Variants in LSAMP observed in about 807,000 individuals in gnomAD.
The protein encoded by LSAMP is limbic system-associated membrane protein.
A neutral mutation model predicts 38.6 loss-of-function variants in LSAMP; 7 were observed. The ratio of observed to expected loss-of-function variants is 0.18; its 90% CI spans 0.10 to 0.34. The LOEUF (loss-of-function observed/expected upper bound fraction) is 0.34. Among genes scored for constraint, LSAMP ranks in the 10% least tolerant of loss-of-function variants. LSAMP has a pLI of 1.00. For missense variants in LSAMP, 313 were observed against 420.0 expected (o/e 0.75, Z 2.23); for synonymous variants, 154 against 166.8 (o/e 0.92, Z 0.59).
intron 1 of LSAMP, among the ~76,000 whole-genome samples, chr3:116,265,404 T>G (rs1489061088): frequency 2.6e-5 from 4 of 152,204 alleles, no homozygotes; most frequent in Non-Finnish European, 4.4e-5. Context: ...CATCTATCTT[T>G]TTGACAATGT....
intron 1 of LSAMP, among the ~76,000 whole-genome samples, chr3:116,147,687 TC>T (rs1046576470): frequency 6.6e-6 from 1 of 151,936 alleles, no homozygotes; most frequent in African/African-American, 2.4e-5. Flanking sequence ...AGTCCTCGGG[TC>T]CATTATCCTT....
intron 3 of LSAMP, among the ~76,000 whole-genome samples, chr3:115,929,854 CTTT>C (rs1371468575): frequency 6.6e-6 from 1 of 152,014 alleles, no homozygotes; most frequent in Admixed American, 6.6e-5. Context: ...GAGTTCTACT[CTTT>C]GTTTCAATCT....
intron 2 of LSAMP, among the ~76,000 whole-genome samples, chr3:116,028,990 C>T (rs1940858243): frequency 6.6e-6 from 1 of 151,990 alleles, no homozygotes; most frequent in Non-Finnish European, 1.5e-5. Context: ...AGAATATATA[C>T]CATGAGTGAA....
At chr3:116,255,902 T>C (rs1364341722) in intron 1 of LSAMP, among the ~76,000 whole-genome samples, 1 of 152,174 alleles carries the variant, frequency 6.6e-6, no homozygotes, top group African/African-American at 2.4e-5. Flanking sequence ...GGTTTGTTTA[T>C]TTATTTATTT....
At chr3:116,260,132 C>T (rs1204306502) in intron 1 of LSAMP, among the ~76,000 whole-genome samples, 2 of 152,062 alleles carry the variant, frequency 1.3e-5, no homozygotes, top group East Asian at 3.9e-4. Context: ...ATGTGATTGT[C>T]TTTTTCTAAG....
chr3:116,003,484 T>A (rs1940059679), intron 3 of LSAMP, among the ~76,000 whole-genome samples: 4 of 152,208 alleles, frequency 2.6e-5, no homozygotes, highest in South Asian at 4.1e-4. Context: ...TATTCTCTAA[T>A]CTTTTTATTC....
intron 1 of LSAMP, among the ~76,000 whole-genome samples, chr3:116,331,680 T>A (rs2047855790): frequency 6.6e-6 from 1 of 152,066 alleles, no homozygotes; most frequent in Admixed American, 6.6e-5. Flanking sequence ...TTCTGCAAGG[T>A]AAAATGAAAG....
chr3:116,312,278 G>A (rs1335097219), intron 1 of LSAMP, among the ~76,000 whole-genome samples: 2 of 152,162 alleles, frequency 1.3e-5, no homozygotes, highest in Non-Finnish European at 2.9e-5. Context: ...GATGGCAGGT[G>A]AATCGGACAA....
intron 1 of LSAMP, among the ~76,000 whole-genome samples, chr3:116,176,969 G>A (rs1475500114): frequency 6.6e-6 from 1 of 151,932 alleles, no homozygotes; most frequent in African/African-American, 2.4e-5. Context: ...GTTAAGGTTT[G>A]AAAATTGTGG....
chr3:116,359,567 CTTTTTA>C (rs988512336), intron 1 of LSAMP, among the ~76,000 whole-genome samples: 2 of 152,116 alleles, frequency 1.3e-5, no homozygotes, highest in African/African-American at 2.4e-5. Context: ...TTGGAGTAAA[CTTTTTA>C]TTTTTATTTT....
chr3:116,433,323 T>A (rs1393163751), intron 1 of LSAMP, among the ~76,000 whole-genome samples: 2 of 152,260 alleles, frequency 1.3e-5, no homozygotes, highest in Middle Eastern at 3.4e-3. Flanking sequence ...TTTAGACAAA[T>A]TATAGAGATT....
At chr3:116,007,737 T>C (rs1025880603) in intron 3 of LSAMP, among the ~76,000 whole-genome samples, 37 of 152,184 alleles carry the variant, frequency 2.4e-4, no homozygotes, top group Non-Finnish European at 4.4e-4. Context: ...GAATCTCAAA[T>C]GCTCCTATAT....
chr3:115,983,630 A>G (rs775347052), intron 3 of LSAMP, among the ~76,000 whole-genome samples: 3 of 152,226 alleles, frequency 2.0e-5, no homozygotes, highest in Non-Finnish European at 4.4e-5. Context: ...CATTGAGCCA[A>G]CAACTATTTA....
At chr3:115,896,339 A>G (rs1419462212) in intron 3 of LSAMP, among the ~76,000 whole-genome samples, 2 of 152,144 alleles carry the variant, frequency 1.3e-5, no homozygotes, top group Non-Finnish European at 2.9e-5. Context: ...ATAGTTTGCC[A>G]CATACATATT....
At chr3:116,122,011 A>G (rs1459128896) in intron 1 of LSAMP, among the ~76,000 whole-genome samples, 1 of 151,106 alleles carries the variant, frequency 6.6e-6, no homozygotes, top group African/African-American at 2.5e-5. Context: ...CCTGTTCTAG[A>G]GTCTGTGCTG....
At chr3:116,263,953 A>G (rs1450849348) in intron 1 of LSAMP, among the ~76,000 whole-genome samples, 3 of 152,310 alleles carry the variant, frequency 2.0e-5, no homozygotes, top group African/African-American at 4.8e-5. Flanking sequence ...CTGAGAACTG[A>G]GAGTGGAGAA....
chr3:116,438,563 T>C (rs1304925784), intron 1 of LSAMP, among the ~76,000 whole-genome samples: 1 of 152,242 alleles, frequency 6.6e-6, no homozygotes, highest in Non-Finnish European at 1.5e-5. Context: ...AGATGAATTA[T>C]ACAATTATTT....
At chr3:115,979,216 G>T (rs1184646587) in intron 3 of LSAMP, among the ~76,000 whole-genome samples, 1 of 151,918 alleles carries the variant, frequency 6.6e-6, no homozygotes, top group Non-Finnish European at 1.5e-5. Context: ...AAAAAAAACA[G>T]AATAAGTTGG....
chr3:116,163,581 G>A (rs1030109697), intron 1 of LSAMP, among the ~76,000 whole-genome samples: 52 of 151,898 alleles, frequency 3.4e-4, no homozygotes, highest in African/African-American at 1.1e-3. Flanking sequence ...AATCCTTTGG[G>A]GTATATACCC....
Sources: gnomAD v4.1 joint callset for allele counts (sites outside exome capture counted in the v4.1 genomes callset) on GRCh38, gnomAD v4.1.1 for gene constraint, MANE v1.5 for transcripts, NCBI Gene and HGNC (gene_info 2026-07-23, HGNC 2026-07-21) for gene names.